The following ARK2N variants were observed in gnomAD, a reference collection of about 807,000 sequenced individuals.
ARK2N encodes the protein protein ARK2N.
At chr18:46,261,967 G>A in the ARK2N span, among the ~76,000 whole-genome samples, 1 of 152,146 alleles carries the variant, frequency 6.6e-6, no homozygotes, top group Non-Finnish European at 1.5e-5. Flanking sequence ...AGCATTATTT[G>A]TTGCTTACAG....
chr18:46,261,907 T>C, the ARK2N span, among the ~76,000 whole-genome samples: 16,085 of 152,166 alleles, frequency 0.11, 2,462 homozygotes, highest in African/African-American at 0.33. Flanking sequence ...TTCTTTTGAA[T>C]CTGGTGGTGT....
At chr18:46,183,196 A>G in the ARK2N span, among the ~76,000 whole-genome samples, 1 of 152,282 alleles carries the variant, frequency 6.6e-6, no homozygotes, top group African/African-American at 2.4e-5. Context: ...TTGTTTTGTA[A>G]TCTGTAGGTT....
the ARK2N span, among the ~76,000 whole-genome samples, chr18:46,198,208 C>A: frequency 6.8e-6 from 1 of 147,378 alleles, no homozygotes; most frequent in Non-Finnish European, 1.5e-5. Flanking sequence ...AGCTGAGGCA[C>A]GAGAATCACA....
the ARK2N span, among the ~76,000 whole-genome samples, chr18:46,211,399 G>A: frequency 2.0e-5 from 3 of 152,156 alleles, no homozygotes; most frequent in African/African-American, 7.2e-5. Context: ...GTAGAGATGG[G>A]GTCTTGCCAT....
At chr18:46,250,370 T>G in the ARK2N span, among the ~76,000 whole-genome samples, 4 of 152,100 alleles carry the variant, frequency 2.6e-5, no homozygotes, top group Non-Finnish European at 5.9e-5. Context: ...TCAGCTTTTA[T>G]TAGTGCACTG....
the ARK2N span, chr18:46,266,380 G>A: frequency 6.6e-6 from 1 of 152,614 alleles, no homozygotes; most frequent in Non-Finnish European, 1.5e-5. Flanking sequence ...CTTCCATGTA[G>A]ATATAAAAAT....
the ARK2N span, among the ~76,000 whole-genome samples, chr18:46,178,572 A>G: frequency 2.6e-5 from 4 of 152,210 alleles, no homozygotes; most frequent in Non-Finnish European, 5.9e-5. Flanking sequence ...GGCCTCCCAA[A>G]GTGTTGGGAT....
At chr18:46,237,457 G>A in the ARK2N span, among the ~76,000 whole-genome samples, 8 of 148,590 alleles carry the variant, frequency 5.4e-5, no homozygotes, top group African/African-American at 2.0e-4. Flanking sequence ...GCACGATCTC[G>A]GCTCACTGCT....
chr18:46,182,948 C>T, the ARK2N span, among the ~76,000 whole-genome samples: 7 of 152,002 alleles, frequency 4.6e-5, no homozygotes, highest in Non-Finnish European at 1.0e-4. Flanking sequence ...AGGCCAAATT[C>T]AGTGCATTAT....
chr18:46,214,998 G>A, the ARK2N span, among the ~76,000 whole-genome samples: 4 of 152,162 alleles, frequency 2.6e-5, no homozygotes, highest in African/African-American at 9.7e-5. Flanking sequence ...TGTAGTTGGA[G>A]TGTGTTTGTG....
chr18:46,202,205 G>A, the ARK2N span, among the ~76,000 whole-genome samples: 3 of 152,152 alleles, frequency 2.0e-5, no homozygotes, highest in Non-Finnish European at 1.5e-5. Context: ...TTAGCTCACT[G>A]TTGTGTCTGT....
the ARK2N span, among the ~76,000 whole-genome samples, chr18:46,174,812 G>T: frequency 3.3e-5 from 5 of 152,218 alleles, no homozygotes; most frequent in Non-Finnish European, 5.9e-5. Context: ...CGAGAGTAGG[G>T]GGTCTGGCGC....
chr18:46,180,715 C>G, the ARK2N span, among the ~76,000 whole-genome samples: 2 of 149,534 alleles, frequency 1.3e-5, no homozygotes, highest in African/African-American at 4.9e-5. Context: ...AAAAAAAAAA[C>G]AACAATAAAA....
At chr18:46,230,789 A>G in the ARK2N span, among the ~76,000 whole-genome samples, 2 of 152,246 alleles carry the variant, frequency 1.3e-5, no homozygotes. Context: ...AACAAATTAT[A>G]GTTTTAACTA....
At chr18:46,238,717 T>G in the ARK2N span, among the ~76,000 whole-genome samples, 1 of 152,346 alleles carries the variant, frequency 6.6e-6, no homozygotes, top group Admixed American at 6.5e-5. Context: ...TAAAAAATAT[T>G]ACTACATAAA....
At chr18:46,240,298 G>A in the ARK2N span, 1 of 1,185,116 alleles carries the variant, frequency 8.4e-7, no homozygotes, top group Non-Finnish European at 1.2e-6. Flanking sequence ...GAGACATCTG[G>A]CATTGAATGA....
chr18:46,224,502 A>T, the ARK2N span, among the ~76,000 whole-genome samples: 1 of 152,246 alleles, frequency 6.6e-6, no homozygotes. Flanking sequence ...TAAAATACTC[A>T]AGAATGTAGT....
At chr18:46,179,922 G>A in the ARK2N span, among the ~76,000 whole-genome samples, 25 of 152,280 alleles carry the variant, frequency 1.6e-4, no homozygotes, top group East Asian at 4.8e-3. Flanking sequence ...ACTGCGCCCG[G>A]CCTAAAGTTC....
chr18:46,235,549 C>T, the ARK2N span, among the ~76,000 whole-genome samples: 3 of 152,210 alleles, frequency 2.0e-5, no homozygotes, highest in South Asian at 2.1e-4. Flanking sequence ...CGTGAAGACA[C>T]TGAGGAGTGA....
Sources: gnomAD v4.1 joint callset for allele counts (sites outside exome capture counted in the v4.1 genomes callset) on GRCh38, gnomAD v4.1.1 for gene constraint, MANE v1.5 for transcripts, NCBI Gene and HGNC (gene_info 2026-07-23, HGNC 2026-07-21) for gene names.